C12orf50: variants seen among roughly 807,000 people sequenced by gnomAD.
The protein encoded by C12orf50 is uncharacterized protein C12orf50.
Under a neutral mutation model 61.6 loss-of-function variants are expected in C12orf50, and 35 were observed. The ratio of observed to expected loss-of-function variants is 0.57; its 90% confidence interval spans 0.43 to 0.75. The LOEUF (loss-of-function observed/expected upper bound fraction) is 0.75. Ranked by LOEUF, C12orf50 falls within the 30% of genes least tolerant of loss-of-function variation. C12orf50 has a pLI of 0.00. For missense variants in C12orf50, 475 were observed against 488.5 expected (o/e 0.97, Z 0.26); for synonymous variants, 178 against 161.5 (o/e 1.10, Z -0.77).
In C12orf50 at chr12:87,985,832, A is replaced by G. The variant is rs375191058; in HGVS notation, c.1126+18T>C. ...CAAACCACAGACAAGAGTAAACCAC[A>G]TCAACAAAGGACCTCACCTGGACTG... is the stretch of plus-strand genomic sequence containing the variant. On this transcript the variant is annotated intron_variant, in intron 11 of 12. Transcript: ENST00000298699. 36 of 1,611,352 alleles carry G rather than the reference A, an allele frequency of 2.2e-5. No individual in the cohort carries two copies. The highest frequency in any genetic ancestry group is 1.2e-5 in the Non-Finnish European group (14 of 1,179,266).
chr12:88,029,454 C>T (rs2136515111), upstream of C12orf50: 1 of 157,038 alleles, frequency 6.4e-6, no homozygotes, highest in East Asian at 1.9e-4. Flanking sequence ...TAAATGACCT[C>T]ACATGTAACT....
At chr12:87,988,318 A>G (rs2030943184) in intron 8 of C12orf50, among the ~76,000 whole-genome samples, 1 of 152,202 alleles carries the variant, frequency 6.6e-6, no homozygotes, top group Non-Finnish European at 1.5e-5. Context: ...CAAATGTAAC[A>G]ACTTTAACTT....
Position 87,980,239 on chromosome 12 carries a change from G to C in C12orf50, c.*92C>G. ...ATCCACTACATAACATGGAGTACTT[G>C]AGTATCTCATTCTTTGAATTTTCAT... On this transcript the variant is annotated 3_prime_UTR_variant, in exon 13 of 13. Transcript: ENST00000298699. 7.9e-7 allele frequency: 1 copy of C among 1,265,922 alleles called. No homozygotes were observed. Among genetic ancestry groups the C allele is most frequent in the Non-Finnish European group, 1.1e-6 (1 of 875,542 alleles). 78.4% of individuals were successfully genotyped at this position (1,265,922 alleles called of 1,614,324 possible).
chr12:88,013,009 A>C (rs1172465603), intron 3 of C12orf50, among the ~76,000 whole-genome samples: 1 of 152,118 alleles, frequency 6.6e-6, no homozygotes, highest in Non-Finnish European at 1.5e-5. Flanking sequence ...GGAAGCAGTG[A>C]GCTGTGTTCA....
At chr12:87,986,264 C>A (rs1317528589) in intron 10 of C12orf50, 48 bp downstream of exon 10, 1 of 1,367,836 alleles carries the variant, frequency 7.3e-7, no homozygotes, top group Admixed American at 2.2e-5. Flanking sequence ...GATATTTAAT[C>A]TCTTTTAAAA....
chr12:87,987,962 G>A lies in C12orf50; in HGVS notation c.705C>T (p.Asn235=). The change falls in exon 9 of 13, where the codon AAC becomes AAT. Residue 235 remains asparagine (N), a synonymous_variant. Transcript: ENST00000298699. ...AATGCTTTGGATGAGGACTGTCCTTGTTATCTTTTAAAGCAAATTAAGAAA... is the reference window on the plus strand; with the variant it reads ...AATGCTTTGGATGAGGACTGTCCTTATTATCTTTTAAAGCAAATTAAGAAA... ...TISKCSNTKD[N]KDSPHPKHSL... is the part of the protein sequence containing the mutation. 1 of 1,578,370 alleles carries A rather than the reference G, an allele frequency of 6.3e-7. No homozygotes were observed. Among genetic ancestry groups the A allele is most frequent in the Non-Finnish European group, 8.6e-7 (1 of 1,156,466 alleles).
intron 12 of C12orf50, among the ~76,000 whole-genome samples, chr12:87,982,716 C>T (rs905471291): frequency 1.2e-4 from 18 of 150,744 alleles, no homozygotes; most frequent in Non-Finnish European, 1.5e-5. Context: ...CTATACCAGC[C>T]AATATTTGTC....
Position 87,994,756 on chromosome 12 carries a change from A to G in C12orf50, c.482-13T>C. The G allele has an allele frequency of 2.6e-6, 4 of 1,541,644 alleles. No homozygotes were observed. Among genetic ancestry groups the G allele is most frequent in the Non-Finnish European group, 3.6e-6 (4 of 1,123,104 alleles). On this transcript the variant is annotated splice_polypyrimidine_tract_variant and intron_variant, in intron 6 of 12. Coordinates refer to ENST00000298699, the MANE Select transcript of C12orf50 (RefSeq NM_152589.3). ...GTAAGACTATCTCCTAGAAATAAGA[A>G]GAAAAAAAAGTCACCCCAGAAATTA...
intron 3 of C12orf50, among the ~76,000 whole-genome samples, chr12:88,007,963 T>G (rs1414832286): frequency 1.3e-5 from 2 of 152,030 alleles, no homozygotes; most frequent in African/African-American, 4.8e-5. Context: ...TTATATATAT[T>G]TTTGTTATAT....
intron 3 of C12orf50, among the ~76,000 whole-genome samples, chr12:88,004,870 G>A (rs770189960): frequency 6.6e-6 from 1 of 152,138 alleles, no homozygotes; most frequent in Admixed American, 6.5e-5. Context: ...AACAGACACT[G>A]GGTCCAACTT....
chr12:87,988,820 G>A (rs902321280), intron 8 of C12orf50, among the ~76,000 whole-genome samples: 2 of 152,102 alleles, frequency 1.3e-5, no homozygotes, highest in African/African-American at 4.8e-5. Context: ...GTACAGTTAA[G>A]GGCAGTGTAA....
chr12:87,991,191 G>A (rs1459501980), intron 7 of C12orf50, among the ~76,000 whole-genome samples: 2 of 152,160 alleles, frequency 1.3e-5, no homozygotes, highest in African/African-American at 4.8e-5. Flanking sequence ...TCTGCTGATA[G>A]TCTAGCTGCC....
intron 7 of C12orf50, among the ~76,000 whole-genome samples, chr12:87,991,255 A>G (rs1592651547): frequency 6.6e-6 from 1 of 152,172 alleles, no homozygotes; most frequent in African/African-American, 2.4e-5. Flanking sequence ...ACACTATGTA[A>G]TTTTTATCCA....
intron 3 of C12orf50, among the ~76,000 whole-genome samples, chr12:88,020,228 A>G (rs540530826): frequency 2.6e-5 from 4 of 152,334 alleles, no homozygotes; most frequent in African/African-American, 4.8e-5. Flanking sequence ...TGCACCAATT[A>G]AAAGGCACAG....
intron 3 of C12orf50, among the ~76,000 whole-genome samples, chr12:88,021,267 A>G (rs1470562729): frequency 6.6e-6 from 1 of 151,010 alleles, no homozygotes; most frequent in Non-Finnish European, 1.5e-5. Context: ...AAAAATTAAT[A>G]AGAAAGATAG....
At chr12:87,981,073 A>T (rs1221932767) in intron 12 of C12orf50, among the ~76,000 whole-genome samples, 1 of 152,206 alleles carries the variant, frequency 6.6e-6, no homozygotes, top group Admixed American at 6.6e-5. Context: ...AAATAAGAAA[A>T]CAAACTATTT....
At chr12:88,001,574 T>C (rs2031656496) in intron 3 of C12orf50, among the ~76,000 whole-genome samples, 1 of 151,390 alleles carries the variant, frequency 6.6e-6, no homozygotes, top group African/African-American at 2.4e-5. Flanking sequence ...TAGTACTAAT[T>C]TTTCTTTAAA....
chr12:88,004,395 T>C (rs2031773929), intron 3 of C12orf50, among the ~76,000 whole-genome samples: 1 of 152,144 alleles, frequency 6.6e-6, no homozygotes, highest in African/African-American at 2.4e-5. Context: ...GCTAAAAAAA[T>C]AGCAGATGCT....
At chr12:88,020,264 G>A (rs1423520986) in intron 3 of C12orf50, among the ~76,000 whole-genome samples, 2 of 152,106 alleles carry the variant, frequency 1.3e-5, no homozygotes, top group Non-Finnish European at 2.9e-5. Context: ...AAAGAAGCAA[G>A]ACCCACTAAC....
Sources: gnomAD v4.1 joint callset for allele counts (sites outside exome capture counted in the v4.1 genomes callset) on GRCh38, gnomAD v4.1.1 for gene constraint, MANE v1.5 for transcripts, NCBI Gene and HGNC (gene_info 2026-07-23, HGNC 2026-07-21) for gene names.